The following GIPC1 variants were observed in gnomAD, a reference collection of about 807,000 sequenced individuals.
The protein encoded by GIPC1 is PDZ domain-containing protein GIPC1.
Under a neutral mutation model 28.5 loss-of-function variants are expected in GIPC1, and 15 were observed. The observed-to-expected ratio is 0.53, with a 90% confidence interval of 0.35 to 0.81. The LOEUF (loss-of-function observed/expected upper bound fraction) is 0.81, where lower values mean the gene tolerates loss of function less well. GIPC1 is among the 30% of genes least tolerant of loss of function. GIPC1 has a pLI of 0.01. For missense variants in GIPC1, 439 were observed against 481.9 expected (o/e 0.91, Z 0.83); for synonymous variants, 224 against 206.1 (o/e 1.09, Z -0.74).
At chr19:14,486,276 C>T (rs998014460) in intron 3 of GIPC1, among the ~76,000 whole-genome samples, 4 of 152,182 alleles carry the variant, frequency 2.6e-5, no homozygotes, top group Non-Finnish European at 5.9e-5. Flanking sequence ...AGGCTGAAAG[C>T]GACTACGCTT....
At chr19:14,487,417 G>C (rs2071872720) in intron 3 of GIPC1, among the ~76,000 whole-genome samples, 1 of 148,542 alleles carries the variant, frequency 6.7e-6, no homozygotes, top group Non-Finnish European at 1.5e-5. Flanking sequence ...TGTGTTTTTA[G>C]TAGAGACGGA....
rs559255899 is a variant in GIPC1 at position 14,482,716 on chromosome 19, G to T, written c.261C>A (p.Ala87=). ...CGGCAGTTGGCAGGCGGAAGGCCTC[G>T]GCGATCTTGCCATACAGCTCCTTGA... ...TNVKELYGKI[A]EAFRLPTAEV... Residue 87 remains alanine (A), a synonymous_variant, in exon 4 of 9, where the codon GCC becomes GCA. Coordinates refer to ENST00000393033, the MANE Select transcript of GIPC1 (RefSeq NM_005716.4). 1.9e-6 allele frequency: 3 copies of T among 1,611,506 alleles called. No individual in the cohort carries two copies. In the East Asian group the frequency reaches 6.7e-5, roughly 36 times the overall value.
chr19:14,483,502 A>T (rs1407563280), intron 3 of GIPC1: 1 of 152,396 alleles, frequency 6.6e-6, no homozygotes, highest in African/African-American at 2.4e-5. Context: ...TAATCCCAGC[A>T]CTGTGGGAGG....
chr19:14,478,631 A>G lies in GIPC1; in HGVS notation c.850+53T>C. On this transcript the variant is annotated intron_variant, in intron 8 of 8. Coordinates refer to ENST00000393033, the MANE Select transcript of GIPC1 (RefSeq NM_005716.4). The surrounding 1 kb of genome is among the most constrained non-coding windows in gnomAD (Gnocchi z 5.2). ...CCAGGGACCAAGGGGCTCAGGGTGG[A>G]TTCGGCCCCCAGCAGACCTAGATGC... is the stretch of plus-strand genomic sequence containing the variant. 6.2e-7 allele frequency: 1 copy of G among 1,611,526 alleles called. No homozygotes were observed. The highest frequency in any genetic ancestry group is 8.5e-7 in the Non-Finnish European group (1 of 1,177,872).
intron 6 of GIPC1, chr19:14,479,987 G>C (rs1250242688): frequency 9.9e-6 from 5 of 505,056 alleles, no homozygotes; most frequent in South Asian, 2.5e-5. Context: ...TGGAAAAGTG[G>C]GGGGGCTGGC....
chr19:14,485,735 A>AGG (rs1206946763), intron 3 of GIPC1, among the ~76,000 whole-genome samples: 18 of 142,936 alleles, frequency 1.3e-4, no homozygotes, highest in African/African-American at 4.0e-4. Context: ...AGAGAGAGAG[A>AGG]GAGAGACAGA....
chr19:14,482,743 G>A lies in GIPC1; in HGVS notation c.234C>T (p.Asn78=), dbSNP rs758813507. Residue 78 remains asparagine, a synonymous_variant, in exon 4 of 9, where the codon AAC becomes AAT. Coordinates refer to ENST00000393033, the MANE Select transcript of GIPC1 (RefSeq NM_005716.4). ...SPTGRIEGFT[N]VKELYGKIAE... is the part of the protein sequence containing the mutation. ...CGATCTTGCCATACAGCTCCTTGAC[G>A]TTGGTGAAGCCCTCGATGCGGCCAG... 17 of 1,611,484 alleles carry A rather than the reference G, an allele frequency of 1.1e-5. No individual in the cohort carries two copies. The highest frequency in any genetic ancestry group is 6.7e-5 in the East Asian group (3 of 44,896).
At chr19:14,486,576 GC>G (rs1428903078) in intron 3 of GIPC1, among the ~76,000 whole-genome samples, 4 of 152,052 alleles carry the variant, frequency 2.6e-5, no homozygotes, top group Non-Finnish European at 5.9e-5. Context: ...GGTGAATGGT[GC>G]CCCCTGCTGA....
chr19:14,495,660 C>A (rs1015788680), intron 1 of GIPC1, among the ~76,000 whole-genome samples: 3 of 152,138 alleles, frequency 2.0e-5, no homozygotes, highest in African/African-American at 7.2e-5. Context: ...CTGCGTCCCC[C>A]CCAAGGCCCT....
chr19:14,495,615 T>C (rs944768230), intron 1 of GIPC1, among the ~76,000 whole-genome samples: 1 of 152,012 alleles, frequency 6.6e-6, no homozygotes, highest in Non-Finnish European at 1.5e-5. Flanking sequence ...AGGTGGAGTT[T>C]TTCATGACGA....
intron 3 of GIPC1, among the ~76,000 whole-genome samples, chr19:14,486,231 C>T (rs2071840663): frequency 6.6e-6 from 1 of 152,060 alleles, no homozygotes; most frequent in South Asian, 2.1e-4. Flanking sequence ...TCACGTTATG[C>T]TACAATTATG....
intron 3 of GIPC1, among the ~76,000 whole-genome samples, chr19:14,490,641 C>T (rs561240583): frequency 2.0e-3 from 300 of 150,820 alleles, no homozygotes; most frequent in African/African-American, 7.1e-3. Flanking sequence ...AGTGCCATTG[C>T]ACTCCAGCCT....
At chr19:14,481,250 A>T (rs982856364) in intron 4 of GIPC1, among the ~76,000 whole-genome samples, 16 of 152,038 alleles carry the variant, frequency 1.1e-4, no homozygotes, top group Admixed American at 9.8e-4. Context: ...GGGACCACAG[A>T]CACGTGCCAC....
rs1300117748 is a variant in GIPC1, at chr19:14,485,702, T to TATATAGAGAG, written c.-30-2697_-30-2696insCTCTCTATAT. Among the ~76,000 whole-genome samples the TATATAGAGAG allele has an allele frequency of 6.7e-3, 391 of 58,636 alleles. 3 individuals are homozygous for TATATAGAGAG. Among genetic ancestry groups the TATATAGAGAG allele is most frequent in the Middle Eastern group, 0.014 (1 of 74 alleles). The allele number at this position is 58,636 out of a possible 152,430, so 38.5% of individuals were successfully genotyped here. On this transcript the variant is annotated intron_variant, in intron 3 of 8. Coordinates refer to ENST00000393033, the MANE Select transcript of GIPC1 (RefSeq NM_005716.4). ...ATAAACAAATATATATATATATATA[T>TATATAGAGAG]AGAGAGAGAGAGAGAGAGAGAGAGA...
At chr19:14,491,060 A>G (rs2071963173) in intron 3 of GIPC1, among the ~76,000 whole-genome samples, 1 of 151,848 alleles carries the variant, frequency 6.6e-6, no homozygotes, top group South Asian at 2.1e-4. Context: ...CTGTAATCCC[A>G]ACACTTTGGG....
At chr19:14,490,764 G>C (rs2071953327) in intron 3 of GIPC1, among the ~76,000 whole-genome samples, 1 of 150,800 alleles carries the variant, frequency 6.6e-6, no homozygotes, top group Non-Finnish European at 1.5e-5. Flanking sequence ...ACGAGGTCAG[G>C]AGATCGAGAC....
chr19:14,490,131 C>T (rs929125035), intron 3 of GIPC1, among the ~76,000 whole-genome samples: 6 of 151,520 alleles, frequency 4.0e-5, no homozygotes, highest in Non-Finnish European at 7.4e-5. Context: ...TTTGGGAGGC[C>T]GAGGCGGGCG....
intron 1 of GIPC1, among the ~76,000 whole-genome samples, chr19:14,493,311 A>T (rs939460303): frequency 2.6e-5 from 4 of 152,230 alleles, no homozygotes; most frequent in Non-Finnish European, 5.9e-5. Flanking sequence ...ACTTTACAAC[A>T]GTTTCCCACC....
intron 6 of GIPC1, 34 bp from the exon 7 acceptor site, chr19:14,479,558 A>G: frequency 8.4e-7 from 1 of 1,186,596 alleles, no homozygotes. Flanking sequence ...AGTGTGGGGG[A>G]AGCTTGGTTT....
Sources: allele counts gnomAD v4.1 joint callset (sites outside exome capture counted in the v4.1 genomes callset), GRCh38; gene constraint gnomAD v4.1.1; non-coding constraint Gnocchi (gnomAD v3.1); transcripts MANE v1.5; gene names NCBI Gene and HGNC (gene_info 2026-07-23, HGNC 2026-07-21).